Variants in SCIN observed in about 807,000 individuals in gnomAD.
SCIN encodes adseverin.
SCIN carries 91 observed loss-of-function variants against 91.8 expected under a neutral mutation model. The ratio of observed to expected loss-of-function variants is 0.99; its 90% CI spans 0.84 to 1.18. SCIN has a LOEUF of 1.18. SCIN is among the 50% of genes most tolerant of loss of function. The pLI, the probability that SCIN is intolerant of heterozygous loss-of-function variation, is 0.00. For synonymous variants in SCIN, 367 were observed against 312.6 expected, an observed-to-expected ratio of 1.17 and a Z score of -1.84; for missense variants, 1,087 against 863.9, an observed-to-expected ratio of 1.26 and a Z score of -3.24.
Position 12,655,952 on chromosome 7 carries a change from T to G in SCIN, c.*3237T>G, listed in dbSNP as rs1784156262. On this transcript the variant is annotated 3_prime_UTR_variant, in exon 16 of 16. Coordinates refer to ENST00000297029, the MANE Select transcript of SCIN (RefSeq NM_001112706.3). The stretch of plus-strand genomic sequence containing the variant: ...CATCTTTTCTCTCTGATTCAAGAAA[T>G]TCATACTCAACTCAGTCAAACAGAG... The G allele has an allele frequency of 6.6e-6, 1 of 152,116 alleles. No homozygotes were observed. The highest frequency in any genetic ancestry group is 6.5e-5 in the Admixed American group (1 of 15,276). The allele number at this position is 152,116 out of a possible 1,614,324, so 9.4% of individuals were successfully genotyped here. A position where few individuals can be genotyped will look rare whatever the true frequency, so the allele number is the denominator to read the frequency against.
intron 4 of SCIN, among the ~76,000 whole-genome samples, chr7:12,605,111 G>A (rs1422271678): frequency 1.3e-5 from 2 of 151,978 alleles, no homozygotes; most frequent in African/African-American, 4.8e-5. Flanking sequence ...GAGTGCAGTG[G>A]CACGATCTCC....
intron 4 of SCIN, 22 bp downstream of exon 4, chr7:12,604,685 G>C (rs77131383): frequency 1.3e-6 from 2 of 1,546,982 alleles, no homozygotes; most frequent in Admixed American, 3.9e-5. Flanking sequence ...CCTGTTGTTT[G>C]TTAAAGGGTT....
At chr7:12,621,345 C>A (rs1783403166) in intron 4 of SCIN, among the ~76,000 whole-genome samples, 1 of 152,044 alleles carries the variant, frequency 6.6e-6, no homozygotes, top group South Asian at 2.1e-4. Flanking sequence ...GGTTCAATTC[C>A]CAACTATGCT....
rs554869178 is a variant in SCIN, at chr7:12,657,373, C to G, written c.*4658C>G. The stretch of plus-strand genomic sequence containing the variant: ...CTGGGACTCTAGGTGCGTGCCACCA[C>G]GCCCAGCTAATTCTTTGTAGAGATG... On this transcript the variant is annotated 3_prime_UTR_variant, in exon 16 of 16. Coordinates refer to ENST00000297029, the MANE Select transcript of SCIN (RefSeq NM_001112706.3). 4.7e-5 allele frequency: 7 copies of G among 149,730 alleles called. No homozygotes were observed. In the East Asian group the frequency reaches 1.4e-3, roughly 30 times the overall value. The allele number at this position is 149,730 out of a possible 1,614,324, so 9.3% of individuals were successfully genotyped here.
At chr7:12,652,142 AAACTT>A (rs1370879392) in intron 15 of SCIN, among the ~76,000 whole-genome samples, 6 of 152,358 alleles carry the variant, frequency 3.9e-5, no homozygotes, top group South Asian at 2.1e-4. Flanking sequence ...TTTAATCTGA[AAACTT>A]AAATTAATTT....
rs984762763 is a variant in SCIN, at chr7:12,656,938, C to T, written c.*4223C>T. On this transcript the variant is annotated 3_prime_UTR_variant, in exon 16 of 16. Transcript: ENST00000297029. ...CCGTCTCGGGGGAAGAAAAAAAAAA[C>T]CTGTAAAAAGTGGCTCAACTTTAAT... 4 of 151,246 alleles carry T rather than the reference C, an allele frequency of 2.6e-5. No individual in the cohort carries two copies. Among genetic ancestry groups the T allele is most frequent in the Non-Finnish European group, 5.9e-5 (4 of 67,798 alleles). The allele number at this position is 151,246 out of a possible 1,614,324, so 9.4% of individuals were successfully genotyped here.
chr7:12,580,245 A>G (rs530823880), intron 2 of SCIN, among the ~76,000 whole-genome samples: 8 of 152,220 alleles, frequency 5.3e-5, no homozygotes, highest in Admixed American at 2.0e-4. Flanking sequence ...ATAATTAATT[A>G]TAATTAATAG....
Position 12,631,177 on chromosome 7 carries a change from T to A in SCIN, c.1319+1955T>A, listed in dbSNP as rs139511461. Among the ~76,000 whole-genome samples the A allele has an allele frequency of 5.9e-3, 904 of 152,350 alleles. 7 individuals carry two copies. Among genetic ancestry groups the A allele is most frequent in the African/African-American group, 0.021 (869 of 41,582 alleles). On this transcript the variant is annotated intron_variant, in intron 9 of 15. Transcript: ENST00000297029. ...AAATTTTAAATGCTAAATTTGAGTTTTAAATAGTAGCTATTTCTTGTATCA... is the reference window on the plus strand; with the variant it reads ...AAATTTTAAATGCTAAATTTGAGTTATAAATAGTAGCTATTTCTTGTATCA...
At chr7:12,584,889 T>G (rs1043791500) in intron 3 of SCIN, among the ~76,000 whole-genome samples, 1 of 152,292 alleles carries the variant, frequency 6.6e-6, no homozygotes, top group South Asian at 2.1e-4. Flanking sequence ...TTCTTAAGAT[T>G]TGGAGTCTGG....
intron 4 of SCIN, among the ~76,000 whole-genome samples, chr7:12,604,960 T>G (rs1284949041): frequency 6.6e-6 from 1 of 152,144 alleles, no homozygotes; most frequent in East Asian, 1.9e-4. Flanking sequence ...ACTTCTGAAA[T>G]TGACCGTAAG....
chr7:12,658,208 T>G lies in SCIN; in HGVS notation c.*5493T>G, dbSNP rs973590912. 1 of 152,230 alleles carries G rather than the reference T, an allele frequency of 6.6e-6. No individual in the cohort carries two copies. Among genetic ancestry groups the G allele is most frequent in the Non-Finnish European group, 1.5e-5 (1 of 68,042 alleles). 9.4% of individuals were successfully genotyped at this position (152,230 alleles called of 1,614,324 possible). A position where few individuals can be genotyped will look rare whatever the true frequency, so the allele number is the denominator to read the frequency against. On this transcript the variant is annotated 3_prime_UTR_variant, in exon 16 of 16. Coordinates refer to ENST00000297029, the MANE Select transcript of SCIN (RefSeq NM_001112706.3). ...AACAGTAAACAAGAATAAGCAAATT[T>G]GAGTTTTCCTAATTATTTGACATTG...
rs1782428460 is a variant in SCIN at position 12,578,908 on chromosome 7, G to GTTTTTTTTT, written c.354+690_354+691insTTTTTTTTT. ...TTAAGGCAGCCTTCAGTATAGGACA[G>GTTTTTTTTT]GTTTTTTTTTTTTTTTGGCATCCTC... On this transcript the variant is annotated intron_variant, in intron 2 of 15. Coordinates refer to ENST00000297029, the MANE Select transcript of SCIN (RefSeq NM_001112706.3). Among the ~76,000 whole-genome samples, 4 of 57,002 alleles carry GTTTTTTTTT rather than the reference G, an allele frequency of 7.0e-5. 1 individual carries two copies. Among genetic ancestry groups the GTTTTTTTTT allele is most frequent in the East Asian group, 3.7e-4 (1 of 2,712 alleles). The allele number at this position is 57,002 out of a possible 152,430, so 37.4% of individuals were successfully genotyped here.
Position 12,640,363 on chromosome 7 carries a change from G to A in SCIN, c.1427G>A (p.Gly476Asp), listed in dbSNP as rs745997710. The A allele has an allele frequency of 1.0e-5, 16 of 1,599,930 alleles. No individual in the cohort carries two copies. Among genetic ancestry groups the A allele is most frequent in the East Asian group, 4.6e-5 (2 of 43,616 alleles). Residue 476 changes from glycine to aspartate, a missense_variant, in exon 11 of 16, where the codon GGC becomes GAC. Physicochemically the swap from Gly to Asp is moderately conservative, Grantham distance 94. Transcript: ENST00000297029. ...CCCCATCAGATCCGAGTCTCCCAAG[G>A]CAAAGAGCCTGTTCACCTACTGAGT... ...GQAVQIRVSQ[G>D]KEPVHLLSLF...
chr7:12,577,490 T>G (rs1172816058), intron 1 of SCIN: 1 of 455,620 alleles, frequency 2.2e-6, no homozygotes, highest in African/African-American at 2.0e-5. Flanking sequence ...TAGATTGTTT[T>G]ATCTTCTTGA....
At position 12,643,595 on chromosome 7, in the gene SCIN, T is replaced by C. The variant is rs970283226; in HGVS notation, c.1582-543T>C. Among the ~76,000 whole-genome samples the C allele has an allele frequency of 3.9e-5, 6 of 152,318 alleles. No homozygotes were observed. The East Asian group carries it at 1.2e-3, about 29-fold the overall frequency. On this transcript the variant is annotated intron_variant, in intron 11 of 15. Coordinates refer to ENST00000297029, the MANE Select transcript of SCIN (RefSeq NM_001112706.3). ...TCCTTCCACCTCTAGTGTTCTCTCC[T>C]TCAACAGGCTCCTGACAAACCTGGT...
At chr7:12,639,383 G>T (rs760463794) in intron 10 of SCIN, among the ~76,000 whole-genome samples, 10 of 152,062 alleles carry the variant, frequency 6.6e-5, no homozygotes, top group Non-Finnish European at 1.5e-4. Flanking sequence ...AATGCCTTTC[G>T]GCCTCCCTAT....
intron 13 of SCIN, among the ~76,000 whole-genome samples, chr7:12,645,178 G>T (rs1197627790): frequency 6.6e-6 from 1 of 150,734 alleles, no homozygotes; most frequent in African/African-American, 2.4e-5. Flanking sequence ...AATTAGTCAG[G>T]CATGGTGGTG....
intron 3 of SCIN, among the ~76,000 whole-genome samples, chr7:12,584,464 A>G (rs1283339461): frequency 6.6e-6 from 1 of 152,228 alleles, no homozygotes; most frequent in East Asian, 1.9e-4. Context: ...ACTATTATTA[A>G]TATGTTATTC....
rs1170900732 is a variant in SCIN, at chr7:12,578,174, T to A, written c.310T>A (p.Ser104Thr). Residue 104 changes from serine (S) to threonine (T), a missense_variant, in exon 2 of 16, where the codon TCT (serine) becomes ACT (threonine). Ser to Thr is a moderately conservative substitution (Grantham distance 58). Coordinates refer to ENST00000297029, the MANE Select transcript of SCIN (RefSeq NM_001112706.3). ...VQNRELQGYE[S>T]NDFVSYFKGG... ...GAATAGAGAACTTCAAGGATATGAGTCTAATGACTTTGTTAGCTATTTCAA... is the reference window on the plus strand; with the variant it reads ...GAATAGAGAACTTCAAGGATATGAGACTAATGACTTTGTTAGCTATTTCAA... 1 of 1,550,148 alleles carries A rather than the reference T, an allele frequency of 6.5e-7. No homozygotes were observed.
Sources: allele counts gnomAD v4.1 joint callset (sites outside exome capture counted in the v4.1 genomes callset), GRCh38; gene constraint gnomAD v4.1.1; transcripts MANE v1.5; gene names NCBI Gene and HGNC (gene_info 2026-07-23, HGNC 2026-07-21).